The following TMEM184B variants were observed in gnomAD, a reference collection of about 807,000 sequenced individuals.
The protein encoded by TMEM184B is putative MAPK-activating protein FM08.
A neutral mutation model predicts 41.8 loss-of-function variants in TMEM184B; 17 were observed. The ratio of observed to expected loss-of-function variants is 0.41; its 90% CI spans 0.28 to 0.61. The LOEUF (loss-of-function observed/expected upper bound fraction) is 0.61, where lower values mean the gene tolerates loss of function less well. Ranked by LOEUF, TMEM184B falls within the 20% of genes least tolerant of loss-of-function variation. The pLI, the probability that TMEM184B is intolerant of heterozygous loss-of-function variation, is 0.34. For missense variants in TMEM184B, 393 were observed against 557.8 expected, an observed-to-expected ratio of 0.70 and a Z score of 2.98; for synonymous variants, 240 against 229.5, an observed-to-expected ratio of 1.05 and a Z score of -0.41.
At chr22:38,258,208 G>A (rs2092314864) in intron 1 of TMEM184B, among the ~76,000 whole-genome samples, 1 of 152,078 alleles carries the variant, frequency 6.6e-6, no homozygotes, top group Non-Finnish European at 1.5e-5. Context: ...GGACCTCTCT[G>A]ACTGTGTTTC....
At chr22:38,233,913 G>A (rs2091702449) in intron 3 of TMEM184B, among the ~76,000 whole-genome samples, 1 of 152,066 alleles carries the variant, frequency 6.6e-6, no homozygotes, top group Non-Finnish European at 1.5e-5. Flanking sequence ...GGGATTACAG[G>A]CGCACACCAC....
intron 1 of TMEM184B, among the ~76,000 whole-genome samples, chr22:38,253,492 A>G (rs2092214368): frequency 6.6e-6 from 1 of 151,960 alleles, no homozygotes; most frequent in African/African-American, 2.4e-5. Context: ...AATCACTTGA[A>G]CCTGGGAGGT....
At chr22:38,246,791 C>G in intron 2 of TMEM184B, 1 of 1,243,854 alleles carries the variant, frequency 8.0e-7, no homozygotes, top group Non-Finnish European at 1.0e-6. Flanking sequence ...ACACAAATGC[C>G]AAGAGCTGCT....
chr22:38,242,751 G>A (rs990552034), intron 3 of TMEM184B, among the ~76,000 whole-genome samples: 1 of 152,142 alleles, frequency 6.6e-6, no homozygotes, highest in Non-Finnish European at 1.5e-5. Flanking sequence ...AGCAGGCCCC[G>A]CTGCCTCTGA....
At chr22:38,234,585 T>G (rs2091721309) in intron 3 of TMEM184B, among the ~76,000 whole-genome samples, 1 of 152,128 alleles carries the variant, frequency 6.6e-6, no homozygotes, top group Non-Finnish European at 1.5e-5. Flanking sequence ...GGAATACAGA[T>G]AAAACCATGA....
intron 3 of TMEM184B, among the ~76,000 whole-genome samples, chr22:38,245,051 C>T (rs955020125): frequency 6.6e-6 from 1 of 152,266 alleles, no homozygotes; most frequent in Non-Finnish European, 1.5e-5. Context: ...CATCCAGAAC[C>T]AAGTCCCCGG....
rs1282299822 is a variant in TMEM184B at position 38,230,757 on chromosome 22, A to G, written c.450-13T>C. 1 of 1,609,920 alleles carries G rather than the reference A, an allele frequency of 6.2e-7. No homozygotes were observed. The highest frequency in any genetic ancestry group is 1.7e-5 in the Admixed American group (1 of 59,216). On this transcript the variant is annotated splice_polypyrimidine_tract_variant and intron_variant, in intron 4 of 8. Coordinates refer to ENST00000361906, the MANE Select transcript of TMEM184B (RefSeq NM_012264.5). Reference sequence around the variant, plus strand: ...CATACAGCTGGACCTGGAAGAGACAAGCATAGCAGGCAGTGGCAGTGAGTG... The same window carrying G: ...CATACAGCTGGACCTGGAAGAGACAGGCATAGCAGGCAGTGGCAGTGAGTG...
rs777526251 is a variant in TMEM184B at position 38,221,568 on chromosome 22, G to A, written c.1125C>T (p.Thr375=). 1 of 1,614,076 alleles carries A rather than the reference G, an allele frequency of 6.2e-7. No individual in the cohort carries two copies. The highest frequency in any genetic ancestry group is 8.5e-7 in the Non-Finnish European group (1 of 1,179,976). Residue 375 remains threonine (T), a synonymous_variant, in exon 9 of 9, where the codon ACC becomes ACT. Transcript: ENST00000361906. ...TQQSTLEPGP[T]WRGGAHGLSR... is the part of the protein sequence containing the mutation. ...AGAGGCCGTGGGCGCCACCACGCCA[G>A]GTGGGCCCAGGCTCCAGGGTGGACT... is the stretch of plus-strand genomic sequence containing the variant.
At chr22:38,249,430 G>A (rs996174833) in intron 1 of TMEM184B, among the ~76,000 whole-genome samples, 1 of 152,320 alleles carries the variant, frequency 6.6e-6, no homozygotes, top group African/African-American at 2.4e-5. Context: ...GATTATAGGC[G>A]TGAGTCACTG....
At chr22:38,267,227 G>C (rs1228397714) in intron 1 of TMEM184B, among the ~76,000 whole-genome samples, 2 of 152,052 alleles carry the variant, frequency 1.3e-5, no homozygotes, top group African/African-American at 4.8e-5. Context: ...GGTTGAGCTG[G>C]AAGTGACGCA....
chr22:38,268,916 G>A (rs2092481852), intron 1 of TMEM184B, among the ~76,000 whole-genome samples: 1 of 152,248 alleles, frequency 6.6e-6, no homozygotes, highest in Non-Finnish European at 1.5e-5. Context: ...AAATGAATGG[G>A]CCTGTAAGGT....
At position 38,221,938 on chromosome 22, in the gene TMEM184B, C is replaced by T. The variant is rs540442741; in HGVS notation, c.983-228G>A. 35 of 627,152 alleles carry T rather than the reference C, an allele frequency of 5.6e-5. No homozygotes were observed. In the South Asian group the frequency reaches 6.6e-4, roughly 12 times the overall value. The allele number at this position is 627,152 out of a possible 1,614,324, so 38.8% of individuals were successfully genotyped here. A position where few individuals can be genotyped will look rare whatever the true frequency, so the allele number is the denominator to read the frequency against. On this transcript the variant is annotated intron_variant, in intron 8 of 8. Coordinates refer to ENST00000361906, the MANE Select transcript of TMEM184B (RefSeq NM_012264.5). ...GGGGAGGCTGGACTGTGAAGAGGAG[C>T]AGACATAAACCCCCACTGGGAGCTG...
intron 5 of TMEM184B, among the ~76,000 whole-genome samples, chr22:38,227,533 C>A (rs2091481338): frequency 1.3e-5 from 2 of 152,108 alleles, no homozygotes; most frequent in South Asian, 4.1e-4. Context: ...GGTTCCTAGC[C>A]CTACTCTCTG....
At chr22:38,255,598 G>A (rs953843106) in intron 1 of TMEM184B, among the ~76,000 whole-genome samples, 7 of 152,180 alleles carry the variant, frequency 4.6e-5, no homozygotes, top group South Asian at 2.1e-4. Flanking sequence ...CACGGCAGCC[G>A]TATCTGTAAT....
At chr22:38,235,139 C>T (rs963681102) in intron 3 of TMEM184B, among the ~76,000 whole-genome samples, 1 of 152,218 alleles carries the variant, frequency 6.6e-6, no homozygotes, top group African/African-American at 2.4e-5. Context: ...TGGACCATCT[C>T]CCCAGGGGAG....
rs2092397436 is a variant in TMEM184B, at chr22:38,263,293, C to T, written c.-59+9591G>A. ...CAGCAAACAAGCAATCTCCCATGACCAGCACCCCCTCCAGAGGCATCACAA... is the reference window on the plus strand; with the variant it reads ...CAGCAAACAAGCAATCTCCCATGACTAGCACCCCCTCCAGAGGCATCACAA... On this transcript the variant is annotated intron_variant, in intron 1 of 8. Transcript: ENST00000361906. Among the ~76,000 whole-genome samples, 3 of 152,158 alleles carry T rather than the reference C, an allele frequency of 2.0e-5. No homozygotes were observed. In the South Asian group the frequency reaches 6.2e-4, roughly 32 times the overall value.
At chr22:38,236,789 C>CTTTA (rs2091784030) in intron 3 of TMEM184B, among the ~76,000 whole-genome samples, 2 of 152,148 alleles carry the variant, frequency 1.3e-5, no homozygotes, top group African/African-American at 4.8e-5. Flanking sequence ...TGCGCCTGGC[C>CTTTA]TATAAGAAAC....
chr22:38,224,268 C>A (rs938647464), intron 8 of TMEM184B, among the ~76,000 whole-genome samples: 1 of 152,196 alleles, frequency 6.6e-6, no homozygotes, highest in African/African-American at 2.4e-5. Flanking sequence ...GCACCCGCCA[C>A]CACGCCCGGC....
At chr22:38,246,151 G>A (rs1405277824) in intron 2 of TMEM184B, 51 bp from the exon 3 acceptor site, 25 of 1,581,306 alleles carry the variant, frequency 1.6e-5, no homozygotes, top group African/African-American at 2.7e-5. Flanking sequence ...CCACAGGGAC[G>A]GGAGGGCAGG....
Sources: gnomAD v4.1 joint callset for allele counts (sites outside exome capture counted in the v4.1 genomes callset) on GRCh38, gnomAD v4.1.1 for gene constraint, MANE v1.5 for transcripts, NCBI Gene and HGNC (gene_info 2026-07-23, HGNC 2026-07-21) for gene names.